PDCD4: variants seen among roughly 807,000 people sequenced by gnomAD.
The protein encoded by PDCD4 is programmed cell death 4.
PDCD4 carries 56 observed loss-of-function variants against 54.0 expected under a neutral mutation model. That is an observed-to-expected ratio of 1.04 (90% CI 0.84 to 1.30). PDCD4 has a LOEUF of 1.30. Among genes scored for constraint, PDCD4 ranks in the 50% most tolerant of loss-of-function variants. The probability of loss-of-function intolerance (pLI) is 0.00; values close to 1 mark genes in which losing one functional copy is unlikely to be tolerated. For missense variants in PDCD4, 584 were observed against 559.8 expected (o/e 1.04, Z -0.44); for synonymous variants, 186 against 194.8 (o/e 0.95, Z 0.37).
intron 8 of PDCD4, 64 bp from the exon 9 acceptor site, chr10:110,894,027 G>A (rs1845793361): frequency 2.1e-6 from 2 of 952,984 alleles, no homozygotes; most frequent in African/African-American, 3.2e-5. Flanking sequence ...AAATAATCCT[G>A]TAGGCAAGCA....
chr10:110,886,998 T>A (rs1845678128), intron 5 of PDCD4, among the ~76,000 whole-genome samples: 1 of 152,120 alleles, frequency 6.6e-6, no homozygotes, highest in South Asian at 2.1e-4. Flanking sequence ...TTTCCACAAA[T>A]TCTCATAAAA....
chr10:110,876,871 G>C (rs1845513163), intron 2 of PDCD4: 2 of 390,876 alleles, frequency 5.1e-6, no homozygotes. Flanking sequence ...GTATACTTTG[G>C]ATAATTCTTT....
rs1300185245 is a variant in PDCD4, at chr10:110,883,108, T to C, written c.441+11T>C. 6.6e-7 allele frequency: 1 copy of C among 1,522,738 alleles called. No individual in the cohort carries two copies. Among genetic ancestry groups the C allele is most frequent in the South Asian group, 1.2e-5 (1 of 83,838 alleles). The allele number at this position is 1,522,738 out of a possible 1,614,324, so 94.3% of individuals were successfully genotyped here. ...TATGATGATGACCAGGTATCAGTGC[T>C]TTGCTTTTTCATAATATTTAAAATG... On this transcript the variant is annotated intron_variant, in intron 4 of 11. Coordinates refer to ENST00000280154, the MANE Select transcript of PDCD4 (RefSeq NM_014456.5).
At position 110,894,190 on chromosome 10, in the gene PDCD4, G is replaced by C. The variant is rs750840584; in HGVS notation, c.1090G>C (p.Val364Leu). The C allele has an allele frequency of 1.3e-6, 2 of 1,558,426 alleles. No homozygotes were observed. Among genetic ancestry groups the C allele is most frequent in the Non-Finnish European group, 1.8e-6 (2 of 1,129,804 alleles). Residue 364 changes from valine (V) to leucine (L), a missense_variant, in exon 9 of 12, where the codon GTA (valine) becomes CTA (leucine). Val to Leu is a conservative substitution (Grantham distance 32, BLOSUM62 1). Transcript: ENST00000280154. ...LEVPHFHHEL[V>L]YEAIIMVLES... ...AGTACCTCATTTTCACCATGAGCTT[G>C]TATATGAAGTAAGATTACCTTGCCA... is the stretch of plus-strand genomic sequence containing the variant.
chr10:110,894,276 A>G, intron 9 of PDCD4, 78 bp downstream of exon 9: 2 of 938,758 alleles, frequency 2.1e-6, no homozygotes, highest in Admixed American at 1.9e-5. Context: ...TTTTTAAATA[A>G]TGTACATCCT....
Position 110,890,620 on chromosome 10 carries a change from G to T in PDCD4, c.940G>T (p.Val314Leu), listed in dbSNP as rs1391890758. ...TAAAGGTGGAAAGCGTAAAGATAGT[G>T]TGTGGGGCTCTGGAGGTGGGCAGCA... ...MSKGGKRKDS[V>L]WGSGGGQQSV... The change falls in exon 8 of 12, where the codon GTG (valine) becomes TTG (leucine). Residue 314 changes from valine to leucine, a missense_variant. Physicochemically the swap from Val to Leu is conservative, Grantham distance 32. Coordinates refer to ENST00000280154, the MANE Select transcript of PDCD4 (RefSeq NM_014456.5). The T allele has an allele frequency of 6.2e-7, 1 of 1,613,520 alleles. No individual in the cohort carries two copies.
At chr10:110,880,271 C>T (rs889539707) in intron 2 of PDCD4, 6 of 152,350 alleles carry the variant, frequency 3.9e-5, no homozygotes, top group Admixed American at 6.5e-5. Context: ...AAAGTGATTT[C>T]CATGACGTGT....
chr10:110,888,723 T>C (rs1424512627), intron 6 of PDCD4, among the ~76,000 whole-genome samples: 2 of 152,304 alleles, frequency 1.3e-5, no homozygotes, highest in East Asian at 1.9e-4. Context: ...CCATAAAATA[T>C]GGTAAATATC....
intron 8 of PDCD4, among the ~76,000 whole-genome samples, chr10:110,892,002 A>C (rs1457494290): frequency 6.6e-6 from 1 of 152,214 alleles, no homozygotes; most frequent in Non-Finnish European, 1.5e-5. Flanking sequence ...CCAAACTATT[A>C]ACTAAAAAAT....
Position 110,899,445 on chromosome 10 carries a change from T to C in PDCD4, c.*1357T>C, listed in dbSNP as rs1055780881. The C allele has an allele frequency of 2.0e-5, 3 of 152,218 alleles. No homozygotes were observed. The highest frequency in any genetic ancestry group is 7.2e-5 in the African/African-American group (3 of 41,454). 9.4% of individuals were successfully genotyped at this position (152,218 alleles called of 1,614,324 possible). A position where few individuals can be genotyped will look rare whatever the true frequency, so the allele number is the denominator to read the frequency against. ...ATGCAGTCATTTTATTCTCAAGTGCTTAAAATTAATGTAATTAAAAGCTTA... is the reference window on the plus strand; with the variant it reads ...ATGCAGTCATTTTATTCTCAAGTGCCTAAAATTAATGTAATTAAAAGCTTA... On this transcript the variant is annotated 3_prime_UTR_variant, in exon 12 of 12. Coordinates refer to ENST00000280154, the MANE Select transcript of PDCD4 (RefSeq NM_014456.5).
chr10:110,877,745 TA>T (rs755543821), intron 2 of PDCD4, among the ~76,000 whole-genome samples: 2 of 152,224 alleles, frequency 1.3e-5, no homozygotes, highest in Non-Finnish European at 2.9e-5. Context: ...CTCTTTGTAG[TA>T]AATTCTTCAC....
chr10:110,877,416 AGAT>A (rs1308053538), intron 2 of PDCD4, among the ~76,000 whole-genome samples: 1 of 152,194 alleles, frequency 6.6e-6, no homozygotes, highest in East Asian at 1.9e-4. Context: ...CTCTGAGTTG[AGAT>A]GAAGGTCAAC....
rs777531719 is a variant in PDCD4 at position 110,896,034 on chromosome 10, ATG to A, written c.1298_1299del (p.Cys433PhefsTer32). The A allele has an allele frequency of 6.2e-7, 1 of 1,611,574 alleles. No homozygotes were observed. The highest frequency in any genetic ancestry group is 8.5e-7 in the Non-Finnish European group (1 of 1,178,322). ...YSVLERFVEE[C>X]FQAGIISKQL... ...CTGTGCTGGAGCGGTTTGTAGAAGA[ATG>A]TTTTCAGGCTGGAATAATTTCCAAA... On this transcript the variant is annotated frameshift_variant, in exon 11 of 12. Coordinates refer to ENST00000280154, the MANE Select transcript of PDCD4 (RefSeq NM_014456.5). LOFTEE classifies it high-confidence loss of function.
intron 11 of PDCD4, among the ~76,000 whole-genome samples, chr10:110,896,455 CT>C (rs748504955): frequency 8.5e-5 from 13 of 152,268 alleles, no homozygotes; most frequent in Non-Finnish European, 1.6e-4. Flanking sequence ...GAATTCAGGA[CT>C]TTTCTGGCTT....
At chr10:110,875,908 C>A in intron 1 of PDCD4, 58 bp from the exon 2 acceptor site, 2 of 709,540 alleles carry the variant, frequency 2.8e-6, no homozygotes, top group Non-Finnish European at 4.6e-6. Flanking sequence ...TTTAATTCAG[C>A]TTAATTACAT....
At chr10:110,882,480 T>C (rs1436838912) in intron 3 of PDCD4, among the ~76,000 whole-genome samples, 1 of 152,190 alleles carries the variant, frequency 6.6e-6, no homozygotes, top group African/African-American at 2.4e-5. Flanking sequence ...TTAGAATTCT[T>C]TTCTATATTT....
chr10:110,876,238 G>C (rs1360962865), intron 2 of PDCD4, among the ~76,000 whole-genome samples, 168 bp downstream of exon 2: 1 of 152,116 alleles, frequency 6.6e-6, no homozygotes, highest in Non-Finnish European at 1.5e-5. Context: ...GGGACAACAG[G>C]TGTGTGCCAC....
rs565692123 is a variant in PDCD4, at chr10:110,899,846, A to G, written c.*1758A>G. 3 of 152,214 alleles carry G rather than the reference A, an allele frequency of 2.0e-5. No individual in the cohort carries two copies. In the East Asian group the frequency reaches 5.8e-4, roughly 29 times the overall value. The allele number at this position is 152,214 out of a possible 1,614,324, so 9.4% of individuals were successfully genotyped here. The stretch of plus-strand genomic sequence containing the variant: ...AGACAGTTTTGTCATTACTGGTGGG[A>G]TCTGGTCACACAAGATAGCATTAAA... On this transcript the variant is annotated 3_prime_UTR_variant, in exon 12 of 12. Transcript: ENST00000280154.
chr10:110,883,603 A>G (rs999917621), intron 4 of PDCD4, among the ~76,000 whole-genome samples: 4 of 152,180 alleles, frequency 2.6e-5, no homozygotes, highest in Non-Finnish European at 5.9e-5. Context: ...TCTTAGCTTT[A>G]CAAACTTAAA....
Sources: allele counts gnomAD v4.1 joint callset (sites outside exome capture counted in the v4.1 genomes callset), GRCh38; gene constraint gnomAD v4.1.1; transcripts MANE v1.5; gene names NCBI Gene and HGNC (gene_info 2026-07-23, HGNC 2026-07-21).